SH3D19: variants seen among roughly 807,000 people sequenced by gnomAD.
The protein encoded by SH3D19 is SH3 domain containing 19.
Under a neutral mutation model 112.1 loss-of-function variants are expected in SH3D19, and 58 were observed. The ratio of observed to expected loss-of-function variants is 0.52; its 90% CI spans 0.42 to 0.64. The LOEUF (loss-of-function observed/expected upper bound fraction) is 0.64. SH3D19 is among the 30% of genes least tolerant of loss of function. SH3D19 has a pLI of 0.00. For missense variants in SH3D19, 1,090 were observed against 1,263.4 expected, an observed-to-expected ratio of 0.86 and a Z score of 2.08; for synonymous variants, 391 against 448.5, an observed-to-expected ratio of 0.87 and a Z score of 1.62.
At chr4:151,224,265 T>C (rs1033775173) in intron 2 of SH3D19, among the ~76,000 whole-genome samples, 2 of 151,920 alleles carry the variant, frequency 1.3e-5, no homozygotes, top group Non-Finnish European at 2.9e-5. Flanking sequence ...GCCGAGATTG[T>C]GCCACTGCAC....
intron 1 of SH3D19, among the ~76,000 whole-genome samples, chr4:151,316,575 AT>A (rs1229780334): frequency 4.0e-5 from 6 of 151,588 alleles, no homozygotes; most frequent in Non-Finnish European, 8.8e-5. Context: ...AAAACATTTA[AT>A]TTTTTTATTT....
chr4:151,289,054 T>C (rs1311959623), intron 1 of SH3D19, among the ~76,000 whole-genome samples: 2 of 152,198 alleles, frequency 1.3e-5, no homozygotes, highest in South Asian at 2.1e-4. Flanking sequence ...ATCAATGAAA[T>C]AGGATTGAGT....
chr4:151,280,790 TA>T (rs899848488), intron 1 of SH3D19, among the ~76,000 whole-genome samples: 46 of 147,326 alleles, frequency 3.1e-4, no homozygotes, highest in Non-Finnish European at 5.6e-4. Flanking sequence ...ACCCTGTCTC[TA>T]AAAAAAAAAT....
intron 12 of SH3D19, among the ~76,000 whole-genome samples, chr4:151,143,014 G>T (rs1326585661): frequency 2.0e-5 from 3 of 152,168 alleles, no homozygotes; most frequent in Non-Finnish European, 4.4e-5. Flanking sequence ...CATGCAGGCA[G>T]ATGGCTTAGC....
At chr4:151,234,735 G>GTT (rs541665981) in intron 1 of SH3D19, among the ~76,000 whole-genome samples, 2 of 25,076 alleles carry the variant, frequency 8.0e-5, no homozygotes, top group Non-Finnish European at 2.1e-4. Flanking sequence ...CCAAGTTTGT[G>GTT]TTTTTTTTTT....
At chr4:151,235,071 A>C (rs1286338721) in intron 1 of SH3D19, among the ~76,000 whole-genome samples, 2 of 152,084 alleles carry the variant, frequency 1.3e-5, no homozygotes, top group African/African-American at 4.8e-5. Flanking sequence ...TTTTAGGTTC[A>C]GGGGTGCATG....
At chr4:151,321,654 T>C (rs1730544448) in intron 1 of SH3D19, among the ~76,000 whole-genome samples, 1 of 152,222 alleles carries the variant, frequency 6.6e-6, no homozygotes. Context: ...TCTTAGAATT[T>C]AACAATCTGT....
intron 1 of SH3D19, among the ~76,000 whole-genome samples, chr4:151,232,523 C>T (rs1448900829): frequency 1.3e-5 from 2 of 152,184 alleles, no homozygotes; most frequent in Non-Finnish European, 2.9e-5. Flanking sequence ...CTAGTTGTAG[C>T]AAATGATACT....
intron 1 of SH3D19, among the ~76,000 whole-genome samples, chr4:151,236,617 T>C (rs564540046): frequency 1.3e-5 from 2 of 151,710 alleles, no homozygotes; most frequent in South Asian, 4.2e-4. Flanking sequence ...GTCTAGCTAA[T>C]CTGGTGGGGA....
At chr4:151,258,079 A>G (rs1362581111) in intron 1 of SH3D19, among the ~76,000 whole-genome samples, 1 of 152,172 alleles carries the variant, frequency 6.6e-6, no homozygotes, top group Non-Finnish European at 1.5e-5. Context: ...ATAAATTATA[A>G]GTAAAAACCT....
At chr4:151,224,391 G>T (rs1768645274) in intron 2 of SH3D19, among the ~76,000 whole-genome samples, 2 of 152,150 alleles carry the variant, frequency 1.3e-5, no homozygotes, top group African/African-American at 4.8e-5. Flanking sequence ...AATCGGTGCA[G>T]ACTTTTTTGG....
intron 9 of SH3D19, among the ~76,000 whole-genome samples, chr4:151,158,243 G>A (rs917474388): frequency 6.6e-6 from 1 of 152,042 alleles, no homozygotes; most frequent in Admixed American, 6.6e-5. Context: ...GAAATAATCA[G>A]GAGCTTTGTC....
intron 1 of SH3D19, among the ~76,000 whole-genome samples, chr4:151,244,391 A>C (rs1468661575): frequency 1.3e-5 from 2 of 152,246 alleles, no homozygotes; most frequent in African/African-American, 4.8e-5. Context: ...CATTCAATTT[A>C]ACCCAAGGAA....
chr4:151,157,716 G>GA (rs1756386356), intron 9 of SH3D19, among the ~76,000 whole-genome samples: 1 of 152,238 alleles, frequency 6.6e-6, no homozygotes, highest in African/African-American at 2.4e-5. Flanking sequence ...AATGGATACA[G>GA]AAAATGTGGC....
At chr4:151,146,641 T>C (rs1007439159) in intron 11 of SH3D19, among the ~76,000 whole-genome samples, 1 of 152,230 alleles carries the variant, frequency 6.6e-6, no homozygotes, top group Admixed American at 6.5e-5. Context: ...CAAGCAATTC[T>C]CCTGCCTCAG....
intron 3 of SH3D19, among the ~76,000 whole-genome samples, chr4:151,183,923 T>C (rs1207514661): frequency 6.6e-6 from 1 of 152,210 alleles, no homozygotes; most frequent in Non-Finnish European, 1.5e-5. Flanking sequence ...GGACTCAGTT[T>C]CACTACCACA....
chr4:151,159,497 A>G (rs1041346451), intron 8 of SH3D19, 145 bp from the exon 9 acceptor site: 3 of 592,192 alleles, frequency 5.1e-6, no homozygotes, highest in Non-Finnish European at 8.8e-6. Context: ...AGCTCCCAGC[A>G]AACTTCAGAA....
intron 2 of SH3D19, among the ~76,000 whole-genome samples, chr4:151,198,112 TG>T (rs1280641436): frequency 6.6e-6 from 1 of 151,510 alleles, no homozygotes; most frequent in East Asian, 1.9e-4. Context: ...GAGACAATCC[TG>T]GCTAACATGG....
At chr4:151,310,201 C>CT (rs1192831138) in intron 1 of SH3D19, among the ~76,000 whole-genome samples, 1 of 125,986 alleles carries the variant, frequency 7.9e-6, no homozygotes, top group Non-Finnish European at 1.6e-5. Flanking sequence ...CAGCGAAACT[C>CT]TGTCTTTACA....
Sources: allele counts gnomAD v4.1 joint callset (sites outside exome capture counted in the v4.1 genomes callset), GRCh38; gene constraint gnomAD v4.1.1; transcripts MANE v1.5; gene names NCBI Gene and HGNC (gene_info 2026-07-23, HGNC 2026-07-21).